ZRANB3: variants seen among roughly 807,000 people sequenced by gnomAD.
ZRANB3 encodes the protein zinc finger RANBP2-type containing 3.
Under a neutral mutation model 133.8 loss-of-function variants are expected in ZRANB3, and 125 were observed. That is an observed-to-expected ratio of 0.93 (90% CI 0.81 to 1.08). The LOEUF (loss-of-function observed/expected upper bound fraction) is 1.08, where lower values mean the gene tolerates loss of function less well. Ranked by LOEUF, ZRANB3 falls within the 50% of genes least tolerant of loss-of-function variation. ZRANB3 has a pLI of 0.00. For missense variants in ZRANB3, 1,229 were observed against 1,275.5 expected, an observed-to-expected ratio of 0.96 and a Z score of 0.56; for synonymous variants, 387 against 432.7, an observed-to-expected ratio of 0.89 and a Z score of 1.31.
intron 3 of ZRANB3, among the ~76,000 whole-genome samples, chr2:135,378,847 T>C (rs1686551583): frequency 6.6e-6 from 1 of 152,272 alleles, no homozygotes; most frequent in East Asian, 1.9e-4. Context: ...TTCAGAACTG[T>C]AAAGGTCTTC....
At chr2:135,497,053 G>A (rs1476306819) in intron 2 of ZRANB3, among the ~76,000 whole-genome samples, 1 of 151,874 alleles carries the variant, frequency 6.6e-6, no homozygotes, top group Non-Finnish European at 1.5e-5. Context: ...CAAAACTGCA[G>A]CACACACAAA....
intron 2 of ZRANB3, among the ~76,000 whole-genome samples, chr2:135,405,156 C>T (rs925569361): frequency 9.9e-5 from 15 of 151,958 alleles, no homozygotes; most frequent in African/African-American, 2.9e-4. Context: ...CAAAAAAAGG[C>T]AGGGGTTGCA....
chr2:135,405,332 G>A lies in ZRANB3; in HGVS notation c.162-14512C>T, dbSNP rs957065212. Reference sequence around the variant, plus strand: ...CAGATTCATAAAGCAAGTCATGAGTGACATACAAAGAGACTTAGACTCACA... The same window carrying A: ...CAGATTCATAAAGCAAGTCATGAGTAACATACAAAGAGACTTAGACTCACA... On this transcript the variant is annotated intron_variant, in intron 2 of 20. Coordinates refer to ENST00000264159, the MANE Select transcript of ZRANB3 (RefSeq NM_032143.4). Among the ~76,000 whole-genome samples, 5 of 152,168 alleles carry A rather than the reference G, an allele frequency of 3.3e-5. No homozygotes were observed. In the East Asian group the frequency reaches 5.8e-4, roughly 18 times the overall value.
In ZRANB3 at chr2:135,355,993, C is replaced by G. The variant is rs111960052; in HGVS notation, c.181-2365G>C. Among the ~76,000 whole-genome samples, 451 of 152,276 alleles carry G rather than the reference C, an allele frequency of 3.0e-3. 3 individuals are homozygous for G. The highest frequency in any genetic ancestry group is 0.01 in the African/African-American group (420 of 41,552). Reference sequence around the variant, plus strand: ...TACTTGGTGCCAGTCACCTGTCTATCTATACATTTTGCACTTCATGTATGA... The same window carrying G: ...TACTTGGTGCCAGTCACCTGTCTATGTATACATTTTGCACTTCATGTATGA... On this transcript the variant is annotated intron_variant, in intron 3 of 20. Coordinates refer to ENST00000264159, the MANE Select transcript of ZRANB3 (RefSeq NM_032143.4).
Position 135,199,892 on chromosome 2 carries a change from G to A in ZRANB3, c.*450C>T, listed in dbSNP as rs1401447605. On this transcript the variant is annotated 3_prime_UTR_variant, in exon 21 of 21. Transcript: ENST00000264159. ...CTTGAATCCTAAGCAGGCTGGTCAT[G>A]CTTGGCCCAGAATTCCCAAATAATG... The A allele has an allele frequency of 1.1e-5, 2 of 186,454 alleles. No individual in the cohort carries two copies. Among genetic ancestry groups the A allele is most frequent in the African/African-American group, 2.4e-5 (1 of 41,694 alleles). 11.5% of individuals were successfully genotyped at this position (186,454 alleles called of 1,614,324 possible).
intron 3 of ZRANB3, 59 bp from the exon 4 acceptor site, chr2:135,353,687 A>G: frequency 8.7e-7 from 1 of 1,151,238 alleles, no homozygotes; most frequent in Non-Finnish European, 1.2e-6. Flanking sequence ...AAAAGAAAAT[A>G]TTTATCAAAC....
chr2:135,349,234 G>A (rs1246609727), intron 5 of ZRANB3, among the ~76,000 whole-genome samples: 1 of 152,142 alleles, frequency 6.6e-6, no homozygotes, highest in Non-Finnish European at 1.5e-5. Flanking sequence ...CATATGTTGA[G>A]TGCTTACTAT....
intron 2 of ZRANB3, among the ~76,000 whole-genome samples, chr2:135,482,984 A>G (rs1022739098): frequency 3.3e-5 from 5 of 151,978 alleles, no homozygotes; most frequent in African/African-American, 7.3e-5. Flanking sequence ...ATCATGGTGG[A>G]TAAGCTTTTT....
chr2:135,348,846 G>A (rs540234029), intron 5 of ZRANB3, among the ~76,000 whole-genome samples: 54 of 152,110 alleles, frequency 3.6e-4, no homozygotes, highest in Admixed American at 1.0e-3. Flanking sequence ...CACTCGCCTC[G>A]GCTTCCCAAA....
intron 2 of ZRANB3, among the ~76,000 whole-genome samples, chr2:135,489,320 AG>A (rs1692273443): frequency 1.6e-5 from 1 of 60,806 alleles, no homozygotes. Flanking sequence ...GGGTGGGGGG[AG>A]GGGGGAGGGA....
At chr2:135,280,585 T>A (rs1053630461) in intron 8 of ZRANB3, among the ~76,000 whole-genome samples, 4 of 151,870 alleles carry the variant, frequency 2.6e-5, no homozygotes, top group African/African-American at 9.7e-5. Flanking sequence ...ATAAATAAAT[T>A]AAATAAAATA....
chr2:135,491,338 A>AT (rs1692363765), intron 2 of ZRANB3, among the ~76,000 whole-genome samples: 1 of 151,872 alleles, frequency 6.6e-6, no homozygotes, highest in African/African-American at 2.4e-5. Flanking sequence ...AATGTTAAGT[A>AT]TTTTTTTAAA....
At chr2:135,524,530 ACT>A (rs1694073517) in intron 1 of ZRANB3, among the ~76,000 whole-genome samples, 1 of 152,218 alleles carries the variant, frequency 6.6e-6, no homozygotes, top group African/African-American at 2.4e-5. Flanking sequence ...TAAATGTCAA[ACT>A]TGCATTTTGT....
chr2:135,279,724 C>T (rs949588220), intron 8 of ZRANB3, among the ~76,000 whole-genome samples: 14 of 152,168 alleles, frequency 9.2e-5, no homozygotes, highest in African/African-American at 1.9e-4. Flanking sequence ...TCAAGCCCCC[C>T]TTTTCCCACT....
At chr2:135,527,374 C>T (rs560970785) in intron 1 of ZRANB3, among the ~76,000 whole-genome samples, 150 of 152,122 alleles carry the variant, frequency 9.9e-4, no homozygotes, top group Admixed American at 2.7e-3. Context: ...GCCTGGGCAA[C>T]ATGGTGAAAC....
intron 2 of ZRANB3, among the ~76,000 whole-genome samples, chr2:135,401,956 T>C (rs1687751257): frequency 6.6e-6 from 1 of 152,202 alleles, no homozygotes; most frequent in African/African-American, 2.4e-5. Context: ...TGCCAAATAA[T>C]ACTATCATAT....
At chr2:135,422,616 T>C (rs1331577838) in intron 2 of ZRANB3, among the ~76,000 whole-genome samples, 3 of 152,156 alleles carry the variant, frequency 2.0e-5, no homozygotes, top group African/African-American at 7.2e-5. Context: ...TGGGGAATTC[T>C]ACTTCAATAG....
intron 3 of ZRANB3, among the ~76,000 whole-genome samples, chr2:135,378,141 A>G (rs1686509905): frequency 6.6e-6 from 1 of 152,142 alleles, no homozygotes. Flanking sequence ...CCCTTTATAT[A>G]TGTATCTATC....
intron 1 of ZRANB3, among the ~76,000 whole-genome samples, chr2:135,522,734 T>G (rs1000715984): frequency 3.9e-5 from 6 of 152,040 alleles, no homozygotes; most frequent in African/African-American, 1.4e-4. Flanking sequence ...AAAAAAAAAG[T>G]TTTAGAAAAT....
Sources: allele counts gnomAD v4.1 joint callset (sites outside exome capture counted in the v4.1 genomes callset), GRCh38; gene constraint gnomAD v4.1.1; transcripts MANE v1.5; gene names NCBI Gene and HGNC (gene_info 2026-07-23, HGNC 2026-07-21).